The following SCUBE2 variants were observed in gnomAD, a reference collection of about 807,000 sequenced individuals.
SCUBE2 encodes the protein signal peptide, CUB and EGF-like domain-containing protein 2.
Under a neutral mutation model 125.9 loss-of-function variants are expected in SCUBE2, and 114 were observed. The observed-to-expected ratio is 0.91, with a 90% CI of 0.78 to 1.06. The LOEUF (loss-of-function observed/expected upper bound fraction) is 1.06. Among genes scored for constraint, SCUBE2 ranks in the 50% least tolerant of loss-of-function variants. The pLI is 0.00. For missense variants in SCUBE2, 1,255 were observed against 1,301.8 expected (o/e 0.96, Z 0.55); for synonymous variants, 459 against 492.9 (o/e 0.93, Z 0.91).
chr11:9,083,692 T>C (rs565384812), intron 2 of SCUBE2, among the ~76,000 whole-genome samples: 118 of 151,984 alleles, frequency 7.8e-4, no homozygotes, highest in Non-Finnish European at 1.2e-3. Flanking sequence ...GTAGCTGGGA[T>C]TACAGGCGTG....
chr11:9,025,574 A>G, intron 21 of SCUBE2, 128 bp downstream of exon 21: 4 of 1,164,526 alleles, frequency 3.4e-6, no homozygotes, highest in Admixed American at 2.5e-5. Flanking sequence ...TGAGTCAGCA[A>G]TGTCTTTTCC....
rs771955393 is a variant in SCUBE2 at position 9,069,445 on chromosome 11, C to T, written c.568G>A (p.Glu190Lys). 2.5e-6 allele frequency: 4 copies of T among 1,614,228 alleles called. No individual in the cohort carries two copies. The highest frequency in any genetic ancestry group is 1.7e-5 in the Admixed American group (1 of 60,038). The change falls in exon 5 of 23, where the codon GAG becomes AAG. Residue 190 changes from glutamate (E) to lysine (K), a missense_variant. Physicochemically the swap from Glu to Lys is moderately conservative, Grantham distance 56. Coordinates refer to ENST00000649792, the MANE Select transcript of SCUBE2 (RefSeq NM_001367977.2). ...CAGGCGACGCTGCCCCTTGGGGCCT[C>T]CTTGCAGATGTGACTACAGCCGTGA... The part of the protein sequence containing the change: ...KDHGCSHICK[E>K]APRGSVACEC...
At chr11:9,052,920 A>C in intron 12 of SCUBE2, 88 bp from the exon 13 acceptor site, 1 of 1,126,818 alleles carries the variant, frequency 8.9e-7, no homozygotes, top group Non-Finnish European at 1.3e-6. Context: ...ACCCCACTCC[A>C]CATGGGCCAC....
intron 3 of SCUBE2, among the ~76,000 whole-genome samples, chr11:9,077,663 G>A (rs909903238): frequency 5.9e-5 from 9 of 152,164 alleles, no homozygotes; most frequent in African/African-American, 2.2e-4. Flanking sequence ...ATGTGTGCCG[G>A]TCCTACTCTT....
At chr11:9,086,148 G>A (rs1280263559) in intron 2 of SCUBE2, among the ~76,000 whole-genome samples, 2 of 152,162 alleles carry the variant, frequency 1.3e-5, no homozygotes, top group African/African-American at 4.8e-5. Context: ...TGAGAAGTAA[G>A]AACCATACAA....
Position 9,025,790 on chromosome 11 carries a change from G to A in SCUBE2, c.2766C>T (p.Thr922=), listed in dbSNP as rs1855687793. The stretch of plus-strand genomic sequence containing the variant: ...GAATCCACAGCTTCTTTGACCTGGA[G>A]GTGAAGGCGATGGGGCGTTCGTAGG... ...CQTYERPIAF[T]SRSKKLWIQF... is the part of the protein sequence containing the mutation. The change falls in exon 21 of 23, where the codon ACC becomes ACT. Residue 922 remains threonine, a synonymous_variant. Transcript: ENST00000649792. 4 of 1,614,194 alleles carry A rather than the reference G, an allele frequency of 2.5e-6. No individual in the cohort carries two copies. The highest frequency in any genetic ancestry group is 2.5e-6 in the Non-Finnish European group (3 of 1,180,032).
At chr11:9,068,952 G>T (rs1192512106) in intron 5 of SCUBE2, among the ~76,000 whole-genome samples, 3 of 152,210 alleles carry the variant, frequency 2.0e-5, no homozygotes, top group Non-Finnish European at 4.4e-5. Flanking sequence ...GGAAAGGCCT[G>T]GAGGCATCAA....
intron 7 of SCUBE2, 32 bp downstream of exon 7, chr11:9,065,859 A>C: frequency 6.3e-7 from 1 of 1,580,710 alleles, no homozygotes; most frequent in Non-Finnish European, 8.7e-7. Flanking sequence ...GGACAATTGC[A>C]GTGGCCAAGG....
At chr11:9,062,456 G>T (rs1329601340) in intron 7 of SCUBE2, among the ~76,000 whole-genome samples, 1 of 152,166 alleles carries the variant, frequency 6.6e-6, no homozygotes, top group Non-Finnish European at 1.5e-5. Context: ...CAAATCAATA[G>T]AATATCCAAT....
intron 14 of SCUBE2, chr11:9,050,323 C>T: frequency 3.0e-6 from 1 of 327,950 alleles, no homozygotes; most frequent in South Asian, 8.7e-5. Context: ...TCATCTGAAG[C>T]CCTTATTGAC....
intron 2 of SCUBE2, among the ~76,000 whole-genome samples, chr11:9,083,555 A>C (rs925610569): frequency 2.1e-5 from 3 of 139,960 alleles, no homozygotes; most frequent in Non-Finnish European, 4.6e-5. Context: ...AATAGAATGA[A>C]TTTTTTTTTT....
At chr11:9,027,145 A>G (rs921164166) in intron 20 of SCUBE2, 14 of 568,496 alleles carry the variant, frequency 2.5e-5, no homozygotes, top group African/African-American at 1.1e-4. Context: ...AGAGGGGAAG[A>G]CTGACCTGCA....
At chr11:9,073,016 G>A (rs1385166465) in intron 4 of SCUBE2, among the ~76,000 whole-genome samples, 1 of 152,170 alleles carries the variant, frequency 6.6e-6, no homozygotes, top group Non-Finnish European at 1.5e-5. Flanking sequence ...GTGGGACCCA[G>A]ACCGTGAGGG....
At chr11:9,030,705 A>T in intron 18 of SCUBE2, 53 bp downstream of exon 18, 1 of 1,557,748 alleles carries the variant, frequency 6.4e-7, no homozygotes, top group Non-Finnish European at 8.7e-7. Context: ...GACTCCCATG[A>T]TACTTAGAAG....
chr11:9,022,985 G>A (rs909165791), intron 21 of SCUBE2, among the ~76,000 whole-genome samples: 3 of 152,028 alleles, frequency 2.0e-5, no homozygotes, highest in Non-Finnish European at 4.4e-5. Context: ...GCTGGTCGGG[G>A]AGGAAGAAAA....
chr11:9,064,603 G>T (rs1417303497), intron 7 of SCUBE2: 1 of 152,186 alleles, frequency 6.6e-6, no homozygotes, highest in African/African-American at 2.4e-5. Context: ...TGGCAAATGG[G>T]ATGAGGAAAT....
rs1855196112 is a variant in SCUBE2 at position 9,020,276 on chromosome 11, A to G, written c.*769T>C. On this transcript the variant is annotated 3_prime_UTR_variant, in exon 23 of 23. Transcript: ENST00000649792. ...CCTGAACTCCCCAGTCCCTCAGGCA[A>G]TGGCCAGCAGAGTGTCAGAGGGCAC... 6.6e-6 allele frequency: 1 copy of G among 152,306 alleles called. No individual in the cohort carries two copies. Among genetic ancestry groups the G allele is most frequent in the African/African-American group, 2.4e-5 (1 of 41,462 alleles). The allele number at this position is 152,306 out of a possible 1,614,324, so 9.4% of individuals were successfully genotyped here. A position where few individuals can be genotyped will look rare whatever the true frequency, so the allele number is the denominator to read the frequency against.
chr11:9,058,814 A>T (rs1028153435), intron 9 of SCUBE2, among the ~76,000 whole-genome samples: 2 of 152,056 alleles, frequency 1.3e-5, no homozygotes, highest in African/African-American at 2.4e-5. Flanking sequence ...TTAAAAAATT[A>T]AAAAAACAAG....
chr11:9,050,475 G>A, intron 14 of SCUBE2, 131 bp downstream of exon 14: 1 of 703,714 alleles, frequency 1.4e-6, no homozygotes, highest in Non-Finnish European at 2.5e-6. Context: ...GTTGGGGATG[G>A]TTCAGTTCCA....
Sources: allele counts gnomAD v4.1 joint callset (sites outside exome capture counted in the v4.1 genomes callset), GRCh38; gene constraint gnomAD v4.1.1; transcripts MANE v1.5; gene names NCBI Gene and HGNC (gene_info 2026-07-23, HGNC 2026-07-21).